Variants in RFX1 observed in about 807,000 individuals in gnomAD.
RFX1 encodes the protein regulatory factor X1.
A neutral mutation model predicts 119.6 loss-of-function variants in RFX1; 42 were observed. The observed-to-expected ratio is 0.35, with a 90% CI of 0.27 to 0.45. RFX1 has a LOEUF of 0.45. RFX1 is among the 20% of genes least tolerant of loss of function. The probability of loss-of-function intolerance (pLI) is 1.00; values close to 1 mark genes in which losing one functional copy is unlikely to be tolerated. For synonymous variants in RFX1, 628 were observed against 618.5 expected, an observed-to-expected ratio of 1.02 and a Z score of -0.23; for missense variants, 1,118 against 1,368.1, an observed-to-expected ratio of 0.82 and a Z score of 2.88.
At chr19:13,997,900 T>C (rs1975089509) in intron 1 of RFX1, among the ~76,000 whole-genome samples, 1 of 151,868 alleles carries the variant, frequency 6.6e-6, no homozygotes, top group South Asian at 2.1e-4. Flanking sequence ...CTGCCTGCCT[T>C]GAACAAGGCG....
intron 1 of RFX1, among the ~76,000 whole-genome samples, chr19:14,001,802 T>A (rs1232938680): frequency 3.3e-5 from 5 of 152,014 alleles, no homozygotes; most frequent in Admixed American, 6.5e-5. Context: ...GAATTTCAAG[T>A]CTAGCCTGGC....
Position 13,965,926 on chromosome 19 carries a change from C to G in RFX1, c.1962-149G>C. The G allele has an allele frequency of 1.1e-6, 1 of 913,556 alleles. No homozygotes were observed. Among genetic ancestry groups the G allele is most frequent in the Non-Finnish European group, 1.6e-6 (1 of 610,406 alleles). 56.6% of individuals were successfully genotyped at this position (913,556 alleles called of 1,614,324 possible). On this transcript the variant is annotated intron_variant, in intron 14 of 20. Coordinates refer to ENST00000254325, the MANE Select transcript of RFX1 (RefSeq NM_002918.5). The surrounding 1 kb of genome is among the most constrained non-coding windows in gnomAD (Gnocchi z 4.7). The stretch of plus-strand genomic sequence containing the variant: ...CCAGCATCAGAAGGCACAGGTACCC[C>G]CTTACCCCCACTCCAGGGTCAGTGG...
At chr19:13,987,754 A>G (rs1270978769) in intron 2 of RFX1, among the ~76,000 whole-genome samples, 1 of 152,192 alleles carries the variant, frequency 6.6e-6, no homozygotes, top group African/African-American at 2.4e-5. Context: ...CACCTGCCAG[A>G]ATGTGGAGTG....
At chr19:14,002,787 C>A (rs894042996) in intron 1 of RFX1, among the ~76,000 whole-genome samples, 1 of 152,196 alleles carries the variant, frequency 6.6e-6, no homozygotes, top group Admixed American at 6.5e-5. Context: ...CTATTGAAGG[C>A]AGCATCTCTG....
chr19:13,982,418 G>A lies in RFX1; in HGVS notation c.514-190C>T, dbSNP rs900671246. Among the ~76,000 whole-genome samples the A allele has an allele frequency of 2.6e-5, 4 of 152,218 alleles. No homozygotes were observed. The South Asian group carries it at 6.2e-4, about 24-fold the overall frequency. On this transcript the variant is annotated intron_variant, in intron 4 of 20. Coordinates refer to ENST00000254325, the MANE Select transcript of RFX1 (RefSeq NM_002918.5). ...AGAGGGTGACACCAAGGCTCAGGAC[G>A]GCAAAGGCACTTATCTGAGGTCCTA...
rs1974599481 is a variant in RFX1, at chr19:13,986,531, C to A, written c.320-2936G>T. On this transcript the variant is annotated intron_variant, in intron 2 of 20. Transcript: ENST00000254325. This position sits in a 1 kb window ranked among gnomAD's most constrained non-coding sequence, Gnocchi z 4.2. Reference sequence around the variant, plus strand: ...GGCCCCTCCACCACTGGGTCTGGCCCTCGCTGTGTTTCAGGGAGGAGAAGC... The same window carrying A: ...GGCCCCTCCACCACTGGGTCTGGCCATCGCTGTGTTTCAGGGAGGAGAAGC... Among the ~76,000 whole-genome samples, 1 of 152,148 alleles carries A rather than the reference C, an allele frequency of 6.6e-6. No individual in the cohort carries two copies. The highest frequency in any genetic ancestry group is 1.5e-5 in the Non-Finnish European group (1 of 67,998).
chr19:13,972,637 C>G (rs1974117124), intron 9 of RFX1, 106 bp downstream of exon 9: 1 of 806,316 alleles, frequency 1.2e-6, no homozygotes, highest in Non-Finnish European at 1.9e-6. Flanking sequence ...GGGGGCCACA[C>G]AGGCTCCTGC....
In RFX1 at chr19:13,963,995, C is replaced by A; in HGVS notation, c.2224G>T (p.Gly742Cys). 6.5e-7 allele frequency: 1 copy of A among 1,534,574 alleles called. No homozygotes were observed. The highest frequency in any genetic ancestry group is 8.7e-7 in the Non-Finnish European group (1 of 1,146,134). The change falls in exon 17 of 21, where the codon GGC becomes TGC. Residue 742 changes from glycine (G) to cysteine (C), a missense_variant. Gly to Cys is a radical substitution (Grantham distance 159). Around this residue, in one of 5 missense-constraint regions of RFX1, gnomAD observed 338 missense variants for 508.9 expected, o/e 0.66. Transcript: ENST00000254325. ...CGCCGCAGTGTCTGCGCGAAGGCGC[C>A]AGCCGCGGCCACCTGCGTGCAGGGA... Reference protein sequence around the residue: ...EMLRVKVAAAGAFAQTLRRYT... With the variant: ...EMLRVKVAAACAFAQTLRRYT...
Position 13,979,561 on chromosome 19 carries a change from C to T in RFX1, c.739-19G>A, listed in dbSNP as rs758669277. On this transcript the variant is annotated intron_variant, in intron 6 of 20. Transcript: ENST00000254325. ...CAGATCTCTGGGAGGGGAAAGGCAA[C>T]AATAAGATGACCATGGCAACGATGG... 6.4e-7 allele frequency: 1 copy of T among 1,558,550 alleles called. No homozygotes were observed. The highest frequency in any genetic ancestry group is 1.8e-5 in the Admixed American group (1 of 54,466).
chr19:14,003,840 C>A (rs772221151), intron 1 of RFX1, among the ~76,000 whole-genome samples: 1 of 152,110 alleles, frequency 6.6e-6, no homozygotes, highest in Non-Finnish European at 1.5e-5. Flanking sequence ...GGCCCTTCAT[C>A]TGTAAATGTA....
In RFX1 at chr19:13,965,476, G is replaced by A; in HGVS notation, c.2184C>T (p.Asn728=). The change falls in exon 16 of 21, where the codon AAC becomes AAT. Residue 728 remains asparagine (N), a synonymous_variant. Coordinates refer to ENST00000254325, the MANE Select transcript of RFX1 (RefSeq NM_002918.5). The surrounding 1 kb of genome is among the most constrained non-coding windows in gnomAD (Gnocchi z 4.7). ...LESWLTHAMV[N]IPEEMLRVKV... Reference sequence around the variant, plus strand: ...TCACCCGCAGCATCTCCTCGGGGATGTTGACCATGGCGTGGGTGAGCCAGC... The same window carrying A: ...TCACCCGCAGCATCTCCTCGGGGATATTGACCATGGCGTGGGTGAGCCAGC... 1 of 1,613,960 alleles carries A rather than the reference G, an allele frequency of 6.2e-7. No homozygotes were observed. Among genetic ancestry groups the A allele is most frequent in the South Asian group, 1.1e-5 (1 of 91,082 alleles).
intron 1 of RFX1, among the ~76,000 whole-genome samples, chr19:14,005,852 C>G (rs1007128819): frequency 4.6e-5 from 7 of 151,846 alleles, no homozygotes; most frequent in Non-Finnish European, 8.8e-5. Context: ...AGCCCCCCGC[C>G]CCGGCCTGCC....
intron 18 of RFX1, 122 bp from the exon 19 acceptor site, chr19:13,963,397 G>T: frequency 7.0e-7 from 1 of 1,438,734 alleles, no homozygotes; most frequent in Non-Finnish European, 9.3e-7. Flanking sequence ...ATCCCGCACA[G>T]CCTTCCCGGC....
At position 13,963,278 on chromosome 19, in the gene RFX1, G is replaced by A; in HGVS notation, c.2571-3C>T. The A allele has an allele frequency of 6.2e-7, 1 of 1,607,752 alleles. No individual in the cohort carries two copies. The highest frequency in any genetic ancestry group is 1.7e-5 in the Admixed American group (1 of 59,736). The stretch of plus-strand genomic sequence containing the variant: ...TCAGGTCCCGGATCACCATGGAGCT[G>A]GGGATGGAGACGGAGAGGAGACCGT... On this transcript the variant is annotated splice_polypyrimidine_tract_variant and splice_region_variant and intron_variant, in intron 18 of 20. Transcript: ENST00000254325.
chr19:13,968,838 A>T lies in RFX1; in HGVS notation c.1553T>A (p.Leu518Gln), dbSNP rs1445253062. The T allele has an allele frequency of 6.4e-7, 1 of 1,555,252 alleles. No individual in the cohort carries two copies. Among genetic ancestry groups the T allele is most frequent in the Non-Finnish European group, 8.7e-7 (1 of 1,149,312 alleles). ...GTGCTGCTGGTCCTCCATCAGCCGCAGCAGGGGTGAGCTGGCCTTGATGCG... is the reference window on the plus strand; with the variant it reads ...GTGCTGCTGGTCCTCCATCAGCCGCTGCAGGGGTGAGCTGGCCTTGATGCG... ...GLRIKASSPLLRLMEDQQHMA... is the reference protein window; with the variant it reads ...GLRIKASSPLQRLMEDQQHMA... The change falls in exon 11 of 21, where the codon CTG becomes CAG. Residue 518 changes from leucine to glutamine, a missense_variant. By Grantham distance (113) the Leu-to-Gln change is moderately radical (BLOSUM62 -2). This residue lies in a region of RFX1 where 338 missense variants were observed against 508.9 expected (regional missense o/e 0.66). Transcript: ENST00000254325. This position sits in a 1 kb window ranked among gnomAD's most constrained non-coding sequence, Gnocchi z 5.5.
chr19:13,997,833 G>A (rs539417556), intron 1 of RFX1, among the ~76,000 whole-genome samples: 74 of 152,214 alleles, frequency 4.9e-4, no homozygotes, highest in Non-Finnish European at 1.0e-3. Context: ...TTAGTGCTCC[G>A]AGGCCCAGGG....
intron 8 of RFX1, 98 bp downstream of exon 8, chr19:13,977,894 G>A: frequency 3.2e-6 from 3 of 930,724 alleles, no homozygotes; most frequent in Non-Finnish European, 3.3e-6. Context: ...AGGCCGGATG[G>A]CCTGCTGGGG....
intron 8 of RFX1, among the ~76,000 whole-genome samples, chr19:13,974,043 G>C (rs990514309): frequency 6.6e-6 from 1 of 152,052 alleles, no homozygotes; most frequent in East Asian, 1.9e-4. Context: ...AGTGCCTACT[G>C]TGTGCTAGGC....
In RFX1 at chr19:13,962,485, G is replaced by A. The variant is rs1973721305; in HGVS notation, c.*210C>T. The A allele has an allele frequency of 3.7e-6, 2 of 537,192 alleles. No homozygotes were observed. The highest frequency in any genetic ancestry group is 6.5e-6 in the Non-Finnish European group (2 of 308,430). The allele number at this position is 537,192 out of a possible 1,614,324, so 33.3% of individuals were successfully genotyped here. ...GCACGCGGCGGGTTCCTTAAGGCAC[G>A]TCTTTTGTGTCAGAGTTTGCAGCTG... On this transcript the variant is annotated 3_prime_UTR_variant, in exon 21 of 21. Coordinates refer to ENST00000254325, the MANE Select transcript of RFX1 (RefSeq NM_002918.5).
Sources: allele counts gnomAD v4.1 joint callset (sites outside exome capture counted in the v4.1 genomes callset), GRCh38; gene constraint gnomAD v4.1.1; regional missense constraint gnomAD v4.1.1; non-coding constraint Gnocchi (gnomAD v3.1); transcripts MANE v1.5; gene names NCBI Gene and HGNC (gene_info 2026-07-23, HGNC 2026-07-21).